Variants in LAMB4 observed in about 807,000 individuals in gnomAD.
The protein encoded by LAMB4 is laminin subunit beta 4.
LAMB4 carries 196 observed loss-of-function variants against 199.2 expected under a neutral mutation model. That is an observed-to-expected ratio of 0.98 (90% CI 0.88 to 1.11). LAMB4 has a LOEUF of 1.11. Ranked by LOEUF, LAMB4 falls within the 50% of genes least tolerant of loss-of-function variation. LAMB4 has a pLI of 0.00. For missense variants in LAMB4, 2,080 were observed against 2,171.2 expected, an observed-to-expected ratio of 0.96 and a Z score of 0.83; for synonymous variants, 744 against 770.6, an observed-to-expected ratio of 0.97 and a Z score of 0.57.
At chr7:108,088,704 C>T (rs535696695) in intron 14 of LAMB4, among the ~76,000 whole-genome samples, 2 of 152,282 alleles carry the variant, frequency 1.3e-5, no homozygotes, top group East Asian at 3.9e-4. Context: ...TAACTTAGGT[C>T]CTTATTTGTT....
At chr7:108,066,630 G>A (rs2150555202) in intron 19 of LAMB4, 30 bp from the exon 20 acceptor site, 1 of 1,418,268 alleles carries the variant, frequency 7.1e-7, no homozygotes, top group Non-Finnish European at 9.8e-7. Context: ...GTATGCTGGA[G>A]CGGGGATGAG....
intron 25 of LAMB4, among the ~76,000 whole-genome samples, chr7:108,054,983 T>A (rs1270879563): frequency 6.6e-6 from 1 of 152,230 alleles, no homozygotes; most frequent in Non-Finnish European, 1.5e-5. Context: ...CTTGGGAAGG[T>A]TTGGTAAATT....
intron 3 of LAMB4, among the ~76,000 whole-genome samples, chr7:108,113,017 A>G (rs2038285228): frequency 6.6e-6 from 1 of 152,218 alleles, no homozygotes; most frequent in Admixed American, 6.5e-5. Context: ...ACTTAGAGTC[A>G]GAAGAGTTCA....
intron 29 of LAMB4, among the ~76,000 whole-genome samples, chr7:108,040,025 G>T (rs555860719): frequency 6.6e-6 from 1 of 152,204 alleles, no homozygotes; most frequent in African/African-American, 2.4e-5. Context: ...CCGTAGCCTT[G>T]GCCCAAAAGC....
Position 108,049,425 on chromosome 7 carries a change from G to A in LAMB4, c.4023C>T (p.Asp1341=). The A allele has an allele frequency of 6.3e-7, 1 of 1,590,534 alleles. No homozygotes were observed. The highest frequency in any genetic ancestry group is 1.1e-5 in the South Asian group (1 of 90,580). ...TTAGTGTATCTAAGATGGTAAGTAA[G>A]TCATTCCTTGTATTTGCAGAGGTAT... ...TINTSANTRN[D]LLTILDTLTS... Residue 1341 remains aspartate, a synonymous_variant, in exon 27 of 34, where the codon GAC becomes GAT. Transcript: ENST00000388781.
At chr7:108,098,950 T>A (rs2037725704) in intron 10 of LAMB4, among the ~76,000 whole-genome samples, 1 of 152,340 alleles carries the variant, frequency 6.6e-6, no homozygotes, top group South Asian at 2.1e-4. Flanking sequence ...ATTGTGCTGG[T>A]GAACTGTTGT....
At chr7:108,033,981 G>T (rs2035135858) in intron 31 of LAMB4, among the ~76,000 whole-genome samples, 1 of 152,018 alleles carries the variant, frequency 6.6e-6, no homozygotes, top group South Asian at 2.1e-4. Context: ...CCAAGCTGGT[G>T]TTAGTACCTG....
At chr7:108,038,405 C>T (rs1003188012) in intron 29 of LAMB4, among the ~76,000 whole-genome samples, 1 of 152,194 alleles carries the variant, frequency 6.6e-6, no homozygotes, top group Admixed American at 6.5e-5. Flanking sequence ...TCCTGATCCA[C>T]CCACCTTGCC....
At position 108,026,746 on chromosome 7, in the gene LAMB4, C is replaced by T. The variant is rs114375582; in HGVS notation, c.5146+2297G>A. The T allele has an allele frequency of 2.6e-3, 828 of 321,288 alleles. 3 individuals are homozygous for T. The highest frequency in any genetic ancestry group is 0.017 in the African/African-American group (779 of 46,142). The allele number at this position is 321,288 out of a possible 1,614,324, so 19.9% of individuals were successfully genotyped here. On this transcript the variant is annotated intron_variant, in intron 33 of 33. Transcript: ENST00000388781. ...TGAAGACTAGAGTCCATTCCCCACT[C>T]TCTCAACATTGTTGCTGCCAAGGGC...
chr7:108,128,814 A>G (rs1161600463), intron 1 of LAMB4, among the ~76,000 whole-genome samples: 1 of 152,236 alleles, frequency 6.6e-6, no homozygotes, highest in African/African-American at 2.4e-5. Context: ...CTCAGGGGCT[A>G]CATGGCACTC....
intron 17 of LAMB4, among the ~76,000 whole-genome samples, chr7:108,073,679 G>A (rs1346021924): frequency 6.6e-6 from 1 of 152,188 alleles, no homozygotes; most frequent in African/African-American, 2.4e-5. Flanking sequence ...GCAGTCAAGT[G>A]TCTTATCTTC....
At chr7:108,062,474 G>A (rs1333004406) in intron 23 of LAMB4, 2 of 210,570 alleles carry the variant, frequency 9.5e-6, no homozygotes, top group African/African-American at 2.3e-5. Flanking sequence ...CTTCCCTATG[G>A]TTACATGTAT....
At chr7:108,046,142 C>T (rs987822213) in intron 28 of LAMB4, among the ~76,000 whole-genome samples, 2 of 151,838 alleles carry the variant, frequency 1.3e-5, no homozygotes, top group Non-Finnish European at 2.9e-5. Flanking sequence ...GATCTCGGTT[C>T]ACTGCAACCT....
intron 30 of LAMB4, among the ~76,000 whole-genome samples, 185 bp from the exon 31 acceptor site, chr7:108,034,531 A>T (rs189650280): frequency 1.1e-3 from 169 of 151,990 alleles, no homozygotes; most frequent in Admixed American, 3.6e-3. Flanking sequence ...AAATGCCAAT[A>T]AAAAAAACCC....
At chr7:108,113,844 A>G (rs1303636424) in intron 3 of LAMB4, among the ~76,000 whole-genome samples, 2 of 152,216 alleles carry the variant, frequency 1.3e-5, no homozygotes, top group Non-Finnish European at 2.9e-5. Flanking sequence ...TAGATAACAG[A>G]TGGGAAAAAA....
At chr7:108,120,517 A>G (rs942805109) in intron 2 of LAMB4, among the ~76,000 whole-genome samples, 62 of 152,352 alleles carry the variant, frequency 4.1e-4, no homozygotes, top group Non-Finnish European at 7.9e-4. Context: ...CTCTTCTGAG[A>G]TAGCTATGTG....
chr7:108,098,243 G>T (rs1012565781), intron 11 of LAMB4, among the ~76,000 whole-genome samples, 160 bp downstream of exon 11: 5 of 147,796 alleles, frequency 3.4e-5, no homozygotes, highest in African/African-American at 1.2e-4. Flanking sequence ...TGAGGAAGGA[G>T]AATTGCTTGA....
Position 108,069,778 on chromosome 7 carries a change from A to G in LAMB4, c.2232T>C (p.Pro744=), listed in dbSNP as rs766410032. The G allele has an allele frequency of 1.2e-6, 2 of 1,613,912 alleles. No homozygotes were observed. The highest frequency in any genetic ancestry group is 2.7e-5 in the African/African-American group (2 of 74,920). The change falls in exon 18 of 34, where the codon CCT becomes CCC. Residue 744 remains proline, a synonymous_variant. Coordinates refer to ENST00000388781, the MANE Select transcript of LAMB4 (RefSeq NM_007356.3). ...NCVEIASAMG[P]QVLPGACERL... ...TTTCACAGGCACCCGGGAGCACTTG[A>G]GGTCCCATTGCTGAGGCAATTTCAA...
chr7:108,123,210 A>T lies in LAMB4; in HGVS notation c.-33-13T>A. ...AAATTCAATTCTACTGGGTTAAAAA[A>T]AGGTTAAAGTCAATCACTGATAGAA... On this transcript the variant is annotated splice_polypyrimidine_tract_variant and intron_variant, in intron 1 of 33. Transcript: ENST00000388781. 6.6e-7 allele frequency: 1 copy of T among 1,520,774 alleles called. No homozygotes were observed. Among genetic ancestry groups the T allele is most frequent in the Non-Finnish European group, 9.0e-7 (1 of 1,107,022 alleles). The allele number at this position is 1,520,774 out of a possible 1,614,324, so 94.2% of individuals were successfully genotyped here. A position where few individuals can be genotyped will look rare whatever the true frequency, so the allele number is the denominator to read the frequency against.
Sources: allele counts gnomAD v4.1 joint callset (sites outside exome capture counted in the v4.1 genomes callset), GRCh38; gene constraint gnomAD v4.1.1; transcripts MANE v1.5; gene names NCBI Gene and HGNC (gene_info 2026-07-23, HGNC 2026-07-21).